The following EFR3B variants were observed in gnomAD, a reference collection of about 807,000 sequenced individuals.
EFR3B encodes the protein EFR3 homolog B.
Under a neutral mutation model 104.7 loss-of-function variants are expected in EFR3B, and 64 were observed. The ratio of observed to expected loss-of-function variants is 0.61; its 90% CI spans 0.50 to 0.75. The LOEUF is 0.75. Ranked by LOEUF, EFR3B falls within the 30% of genes least tolerant of loss-of-function variation. The pLI, the probability that EFR3B is intolerant of heterozygous loss-of-function variation, is 0.00. For synonymous variants in EFR3B, 385 were observed against 417.9 expected (o/e 0.92, Z 0.96); for missense variants, 750 against 1,078.5 (o/e 0.70, Z 4.27).
rs1023033295 is a variant in EFR3B, at chr2:25,094,169, C to G, written c.212+1039C>G. Among the ~76,000 whole-genome samples the G allele has an allele frequency of 2.2e-4, 33 of 150,132 alleles. 1 individual carries two copies. The highest frequency in any genetic ancestry group is 7.1e-4 in the African/African-American group (29 of 40,764). Reference sequence around the variant, plus strand: ...GCGTGGTGGTATGCACCTGTAGTCCCAGCTACTCAGAAAGCTGAGGTGGGA... The same window carrying G: ...GCGTGGTGGTATGCACCTGTAGTCCGAGCTACTCAGAAAGCTGAGGTGGGA... On this transcript the variant is annotated intron_variant, in intron 3 of 22. Coordinates refer to ENST00000403714, the MANE Select transcript of EFR3B (RefSeq NM_014971.2).
intron 1 of EFR3B, among the ~76,000 whole-genome samples, chr2:25,084,270 T>A (rs1289155199): frequency 6.6e-6 from 1 of 152,138 alleles, no homozygotes; most frequent in African/African-American, 2.4e-5. Flanking sequence ...TGAGTCTCAC[T>A]CTGTCACCCA....
At chr2:25,080,115 G>T in intron 1 of EFR3B, 1 of 1,027,218 alleles carries the variant, frequency 9.7e-7, no homozygotes, top group Non-Finnish European at 1.5e-6. Context: ...TTACTGCCGT[G>T]ACTATACCCT....
At chr2:25,090,520 C>T (rs1331051214) in intron 1 of EFR3B, among the ~76,000 whole-genome samples, 1 of 152,196 alleles carries the variant, frequency 6.6e-6, no homozygotes, top group Non-Finnish European at 1.5e-5. Flanking sequence ...TTTAGCTTTA[C>T]ACAAACATAC....
At position 25,132,060 on chromosome 2, in the gene EFR3B, C is replaced by T. The variant is rs10187007; in HGVS notation, c.1147+149C>T. 21,513 of 123,886 alleles carry T rather than the reference C, an allele frequency of 0.17. 1,700 individuals carry two copies. Among genetic ancestry groups the T allele is most frequent in the East Asian group, 0.44 (2,281 of 5,240 alleles). 7.7% of individuals were successfully genotyped at this position (123,886 alleles called of 1,614,324 possible). A position where few individuals can be genotyped will look rare whatever the true frequency, so the allele number is the denominator to read the frequency against. On this transcript the variant is annotated intron_variant, in intron 10 of 22. Coordinates refer to ENST00000403714, the MANE Select transcript of EFR3B (RefSeq NM_014971.2). The stretch of plus-strand genomic sequence containing the variant: ...AGGAAAGAGGGACCCTGGAAAGGGG[C>T]GGGGCACCGGGGGCGGCCCGGGGAT...
intron 1 of EFR3B, among the ~76,000 whole-genome samples, chr2:25,044,643 A>T (rs1667668552): frequency 6.6e-6 from 1 of 152,050 alleles, no homozygotes; most frequent in Non-Finnish European, 1.5e-5. Context: ...AAATACCACC[A>T]GGGGTTTTAT....
At chr2:25,097,550 A>G (rs1033720585) in intron 3 of EFR3B, among the ~76,000 whole-genome samples, 2 of 151,956 alleles carry the variant, frequency 1.3e-5, no homozygotes, top group African/African-American at 2.4e-5. Flanking sequence ...GCCTCCCCAC[A>G]TTGTCACCCC....
intron 4 of EFR3B, among the ~76,000 whole-genome samples, chr2:25,115,501 G>GGATCA (rs1669833186): frequency 6.6e-6 from 1 of 152,168 alleles, no homozygotes; most frequent in Non-Finnish European, 1.5e-5. Context: ...GCTGAAAATC[G>GGATCA]TATCAGATAA....
chr2:25,059,452 A>C (rs1668118465), intron 1 of EFR3B, among the ~76,000 whole-genome samples: 1 of 151,948 alleles, frequency 6.6e-6, no homozygotes, highest in Admixed American at 6.6e-5. Context: ...TGAGGATATT[A>C]TGGTAATGGA....
At chr2:25,142,181 G>A (rs998827562) in intron 17 of EFR3B, among the ~76,000 whole-genome samples, 1 of 151,528 alleles carries the variant, frequency 6.6e-6, no homozygotes, top group South Asian at 2.1e-4. Flanking sequence ...AGTGACTCAC[G>A]CCTGTAATCC....
At chr2:25,081,719 G>A (rs936151157) in intron 1 of EFR3B, 4 of 494,372 alleles carry the variant, frequency 8.1e-6, no homozygotes, top group South Asian at 3.9e-5. Context: ...CCTTGGTACC[G>A]CCTGCAGCCG....
rs1369311832 is a variant in EFR3B at position 25,119,698 on chromosome 2, A to G, written c.364-1975A>G. On this transcript the variant is annotated intron_variant, in intron 4 of 22. Coordinates refer to ENST00000403714, the MANE Select transcript of EFR3B (RefSeq NM_014971.2). ...CATTTTAGATGTAGCTTGGAAGGAA[A>G]GATCTCCTTATTTGCTTGTATGTTG... 3.9e-5 allele frequency among the ~76,000 whole-genome samples: 6 copies of G among 152,254 alleles called. No homozygotes were observed. The South Asian group carries it at 1.0e-3, about 26-fold the overall frequency.
Position 25,042,246 on chromosome 2 carries a change from G to T in EFR3B, c.-67G>T. 7.7e-7 allele frequency: 1 copy of T among 1,296,236 alleles called. No individual in the cohort carries two copies. Among genetic ancestry groups the T allele is most frequent in the Non-Finnish European group, 9.8e-7 (1 of 1,022,232 alleles). The allele number at this position is 1,296,236 out of a possible 1,614,324, so 80.3% of individuals were successfully genotyped here. ...CCCCGACTGTGAATGAAAGGCGGGC[G>T]CCGCCGAGGGCTGGCTGGGAACGCC... On this transcript the variant is annotated 5_prime_UTR_variant, in exon 1 of 23. Transcript: ENST00000403714. The surrounding 1 kb of genome is among the most constrained non-coding windows in gnomAD (Gnocchi z 5.4).
chr2:25,058,865 C>A (rs993373361), intron 1 of EFR3B, among the ~76,000 whole-genome samples: 1 of 151,384 alleles, frequency 6.6e-6, no homozygotes, highest in Admixed American at 6.6e-5. Flanking sequence ...ATGGTGCAGC[C>A]ACTATGGGAA....
chr2:25,122,371 C>T (rs1670040602), intron 5 of EFR3B, among the ~76,000 whole-genome samples: 1 of 152,174 alleles, frequency 6.6e-6, no homozygotes, highest in Non-Finnish European at 1.5e-5. Context: ...ACAGAACACA[C>T]ATGTGTACAC....
In EFR3B at chr2:25,139,161, G is replaced by T; in HGVS notation, c.1825G>T (p.Val609Leu). ...GAACCTCATCAGTCAGCTCACAACAGTGCCTGCCTTCTGCCAGCACATCCA... is the reference window on the plus strand; with the variant it reads ...GAACCTCATCAGTCAGCTCACAACATTGCCTGCCTTCTGCCAGCACATCCA... ...YLNLISQLTTVPAFCQHIHEV... is the reference protein window; with the variant it reads ...YLNLISQLTTLPAFCQHIHEV... The change falls in exon 16 of 23, where the codon GTG becomes TTG. Residue 609 changes from valine to leucine, a missense_variant. By Grantham distance (32) the Val-to-Leu change is conservative (BLOSUM62 1). Coordinates refer to ENST00000403714, the MANE Select transcript of EFR3B (RefSeq NM_014971.2). 2 of 1,551,594 alleles carry T rather than the reference G, an allele frequency of 1.3e-6. No individual in the cohort carries two copies. The highest frequency in any genetic ancestry group is 1.7e-6 in the Non-Finnish European group (2 of 1,146,964).
intron 20 of EFR3B, 67 bp downstream of exon 20, chr2:25,149,809 C>T (rs1481084458): frequency 5.0e-6 from 7 of 1,394,982 alleles, no homozygotes; most frequent in Non-Finnish European, 7.0e-6. Context: ...CCTGTTCCTG[C>T]AGATGCAGCA....
intron 1 of EFR3B, among the ~76,000 whole-genome samples, chr2:25,087,509 T>C (rs1206226561): frequency 6.6e-6 from 1 of 150,610 alleles, no homozygotes; most frequent in African/African-American, 2.5e-5. Flanking sequence ...AGCTGGAGTC[T>C]CGCTCTGTTG....
chr2:25,065,708 C>G (rs1383210901), intron 1 of EFR3B, among the ~76,000 whole-genome samples: 3 of 152,198 alleles, frequency 2.0e-5, no homozygotes, highest in African/African-American at 4.8e-5. Flanking sequence ...CCTCTCTCAG[C>G]CATTTTTCTT....
intron 1 of EFR3B, among the ~76,000 whole-genome samples, chr2:25,061,286 G>GT (rs945423452): frequency 5.9e-5 from 9 of 151,772 alleles, no homozygotes; most frequent in Non-Finnish European, 1.2e-4. Flanking sequence ...GCTAATTTCT[G>GT]TTTTTTGGTA....
Sources: allele counts gnomAD v4.1 joint callset (sites outside exome capture counted in the v4.1 genomes callset), GRCh38; gene constraint gnomAD v4.1.1; non-coding constraint Gnocchi (gnomAD v3.1); transcripts MANE v1.5; gene names NCBI Gene and HGNC (gene_info 2026-07-23, HGNC 2026-07-21).